Variants in REV3L observed in about 807,000 individuals in gnomAD.
REV3L encodes DNA polymerase zeta catalytic subunit.
In REV3L, 69 loss-of-function variants were observed where a neutral mutation model predicts 299.4. That is an observed-to-expected ratio of 0.23 (90% CI 0.19 to 0.28). The LOEUF (loss-of-function observed/expected upper bound fraction) is 0.28. Ranked by LOEUF, REV3L falls within the 10% of genes least tolerant of loss-of-function variation. The pLI is 1.00. For synonymous variants in REV3L, 1,238 were observed against 1,271.4 expected (o/e 0.97, Z 0.56); for missense variants, 3,128 against 3,693.8 (o/e 0.85, Z 3.97).
chr6:111,402,145 T>C (rs1402823159), intron 4 of REV3L, among the ~76,000 whole-genome samples: 1 of 151,936 alleles, frequency 6.6e-6, no homozygotes, highest in African/African-American at 2.4e-5. Context: ...AAAAATAATA[T>C]CCTCTAGGGA....
At chr6:111,358,361 A>G (rs1354901352) in intron 17 of REV3L, among the ~76,000 whole-genome samples, 1 of 152,188 alleles carries the variant, frequency 6.6e-6, no homozygotes, top group Non-Finnish European at 1.5e-5. Flanking sequence ...TGGACTCTGT[A>G]TTAGTAGTAA....
At chr6:111,329,953 T>A (rs459888) in intron 24 of REV3L, among the ~76,000 whole-genome samples, 8,526 of 152,256 alleles carry the variant, frequency 0.056, 273 homozygotes, top group Middle Eastern at 0.085. Flanking sequence ...TGTTTATAAA[T>A]CTAACAGAGC....
At position 111,365,288 on chromosome 6, in the gene REV3L, T is replaced by C; in HGVS notation, c.6730A>G (p.Arg2244Gly). The stretch of plus-strand genomic sequence containing the variant: ...ACCTTTGCTTGTGTTAACAGTACTC[T>C]TCTAAGAGTGTCAGTATTACTTCCT... Reference protein sequence around the residue: ...KKGSNTDTLRRVLLTQAKNQF... With the variant: ...KKGSNTDTLRGVLLTQAKNQF... Residue 2244 changes from arginine to glycine, a missense_variant, in exon 15 of 32, where the codon AGA becomes GGA. Physicochemically the swap from Arg to Gly is moderately radical, Grantham distance 125. Coordinates refer to ENST00000368802, the MANE Select transcript of REV3L (RefSeq NM_001372078.1). 3 of 1,569,430 alleles carry C rather than the reference T, an allele frequency of 1.9e-6. No individual in the cohort carries two copies. Among genetic ancestry groups the C allele is most frequent in the African/African-American group, 1.4e-5 (1 of 73,088 alleles).
intron 20 of REV3L, among the ~76,000 whole-genome samples, chr6:111,345,945 C>A (rs1776981906): frequency 6.6e-6 from 1 of 151,970 alleles, no homozygotes; most frequent in Admixed American, 6.6e-5. Flanking sequence ...CTCTCAAATT[C>A]TCCTAATAAC....
At chr6:111,480,562 T>G (rs972415339) in intron 1 of REV3L, among the ~76,000 whole-genome samples, 2 of 152,180 alleles carry the variant, frequency 1.3e-5, no homozygotes, top group Admixed American at 1.3e-4. Context: ...AATGCTGGCT[T>G]GGTTTATGAA....
At chr6:111,392,469 A>C (rs1782032709) in intron 5 of REV3L, among the ~76,000 whole-genome samples, 1 of 152,174 alleles carries the variant, frequency 6.6e-6, no homozygotes, top group South Asian at 2.1e-4. Flanking sequence ...AGAGCATGTC[A>C]AAATACTTTA....
At chr6:111,357,327 A>G (rs1296773756) in intron 17 of REV3L, among the ~76,000 whole-genome samples, 1 of 152,216 alleles carries the variant, frequency 6.6e-6, no homozygotes, top group Non-Finnish European at 1.5e-5. Flanking sequence ...TTTAATATAC[A>G]ACTGAAAATT....
chr6:111,425,546 G>C (rs1786075859), intron 1 of REV3L, among the ~76,000 whole-genome samples: 1 of 151,986 alleles, frequency 6.6e-6, no homozygotes, highest in African/African-American at 2.4e-5. Context: ...AAATAAACTG[G>C]GTGGGTAGAG....
chr6:111,389,351 T>G, intron 6 of REV3L, 141 bp from the exon 7 acceptor site: 1 of 645,150 alleles, frequency 1.6e-6, no homozygotes, highest in Non-Finnish European at 2.7e-6. Context: ...TATCCCAACC[T>G]ACACTTACTA....
At chr6:111,387,408 T>C (rs1781454655) in intron 9 of REV3L, among the ~76,000 whole-genome samples, 1 of 152,202 alleles carries the variant, frequency 6.6e-6, no homozygotes. Flanking sequence ...TTATGTTATA[T>C]AAATTAAACT....
intron 1 of REV3L, among the ~76,000 whole-genome samples, chr6:111,440,398 TAAAC>T (rs888439097): frequency 1.3e-5 from 2 of 152,180 alleles, no homozygotes; most frequent in Non-Finnish European, 2.9e-5. Context: ...GCTACAGAAA[TAAAC>T]AAACGTATCT....
At chr6:111,347,035 C>T (rs1209824951) in intron 20 of REV3L, among the ~76,000 whole-genome samples, 6 of 151,980 alleles carry the variant, frequency 3.9e-5, no homozygotes, top group South Asian at 2.1e-4. Context: ...TTTGGGAGGC[C>T]GAGGTGGGCA....
chr6:111,361,115 G>A (rs1778609566), intron 16 of REV3L, among the ~76,000 whole-genome samples: 1 of 152,020 alleles, frequency 6.6e-6, no homozygotes, highest in Admixed American at 6.6e-5. Context: ...CGGGCACGGT[G>A]GCTTATGCCT....
chr6:111,304,149 T>A (rs907614655), intron 31 of REV3L, among the ~76,000 whole-genome samples: 1 of 147,938 alleles, frequency 6.8e-6, no homozygotes, highest in East Asian at 2.0e-4. Flanking sequence ...TTATTTCTGA[T>A]CACTTGATTG....
chr6:111,431,202 A>C, intron 1 of REV3L: 1 of 1,566,116 alleles, frequency 6.4e-7, no homozygotes, highest in Non-Finnish European at 8.8e-7. Flanking sequence ...CTGTGATGGC[A>C]GATAGTTTAC....
chr6:111,367,212 C>T lies in REV3L; in HGVS notation c.6576G>A (p.Gly2192=), dbSNP rs1472619611. 1.2e-6 allele frequency: 2 copies of T among 1,613,932 alleles called. No individual in the cohort carries two copies. The highest frequency in any genetic ancestry group is 1.7e-6 in the Non-Finnish European group (2 of 1,179,984). The change falls in exon 14 of 32, where the codon GGG becomes GGA. Residue 2192 remains glycine, a synonymous_variant. Transcript: ENST00000368802. Reference sequence around the variant, plus strand: ...TATGAAAGCAAAGTGATTCACATTTCCCAGTTCTTGCCCTAGTATTAATTG... The same window carrying T: ...TATGAAAGCAAAGTGATTCACATTTTCCAGTTCTTGCCCTAGTATTAATTG... ...ISPINTRART[G]KCESLCFHST...
intron 21 of REV3L, among the ~76,000 whole-genome samples, chr6:111,343,602 T>C (rs1481839318): frequency 6.6e-6 from 1 of 152,222 alleles, no homozygotes; most frequent in East Asian, 1.9e-4. Context: ...CGATCTCGGC[T>C]CACTGCAACC....
intron 26 of REV3L, 36 bp from the exon 27 acceptor site, chr6:111,315,417 A>C: frequency 6.5e-7 from 1 of 1,538,750 alleles, no homozygotes; most frequent in Non-Finnish European, 8.9e-7. Flanking sequence ...GTAATGAGGA[A>C]GTCATTATAA....
chr6:111,300,614 T>G (rs1771384767), intron 31 of REV3L, among the ~76,000 whole-genome samples: 1 of 152,234 alleles, frequency 6.6e-6, no homozygotes, highest in South Asian at 2.1e-4. Context: ...GAAGATTTCA[T>G]GGACATTTGT....
Sources: gnomAD v4.1 joint callset for allele counts (sites outside exome capture counted in the v4.1 genomes callset) on GRCh38, gnomAD v4.1.1 for gene constraint, MANE v1.5 for transcripts, NCBI Gene and HGNC (gene_info 2026-07-23, HGNC 2026-07-21) for gene names.